The following MDH2 variants were observed in gnomAD, a reference collection of about 807,000 sequenced individuals.
MDH2 encodes the protein malate dehydrogenase 2, also known as malate dehydrogenase, mitochondrial.
Under a neutral mutation model 33.6 loss-of-function variants are expected in MDH2, and 25 were observed. The ratio of observed to expected loss-of-function variants is 0.74; its 90% CI spans 0.54 to 1.04. The LOEUF (loss-of-function observed/expected upper bound fraction) is 1.04. Ranked by LOEUF, MDH2 falls within the 50% of genes least tolerant of loss-of-function variation. The pLI is 0.00. For missense variants in MDH2, 432 were observed against 445.0 expected, an observed-to-expected ratio of 0.97 and a Z score of 0.26; for synonymous variants, 193 against 188.7, an observed-to-expected ratio of 1.02 and a Z score of -0.19.
chr7:76,057,880 T>C, intron 3 of MDH2, 89 bp from the exon 4 acceptor site: 2 of 1,288,288 alleles, frequency 1.6e-6, no homozygotes, highest in Admixed American at 3.9e-5. Flanking sequence ...AGTGGCTAAA[T>C]TTCCTGTAAC....
intron 1 of MDH2, among the ~76,000 whole-genome samples, chr7:76,050,306 A>G (rs1375959369): frequency 6.6e-6 from 1 of 152,256 alleles, no homozygotes; most frequent in African/African-American, 2.4e-5. Context: ...CTGGGATTAC[A>G]GGCGTGAGCC....
rs149443188 is a variant in MDH2, at chr7:76,064,404, C to T, written c.699C>T (p.Ala233=). ...LTALTGRIQE[A]GTEVVKAKAG... is the part of the protein sequence containing the mutation. Reference sequence around the variant, plus strand: ...CACTCACTGGGCGGATCCAGGAGGCCGGCACGGAGGTGGTCAAGGCTAAAG... The same window carrying T: ...CACTCACTGGGCGGATCCAGGAGGCTGGCACGGAGGTGGTCAAGGCTAAAG... The change falls in exon 7 of 9, where the codon GCC becomes GCT. Residue 233 remains alanine (A), a synonymous_variant. Coordinates refer to ENST00000315758, the MANE Select transcript of MDH2 (RefSeq NM_005918.4). The T allele has an allele frequency of 2.8e-4, 456 of 1,613,390 alleles. No homozygotes were observed. The highest frequency in any genetic ancestry group is 3.6e-4 in the Non-Finnish European group (421 of 1,179,902).
At position 76,056,536 on chromosome 7, in the gene MDH2, GTT is replaced by G. The variant is rs1554586304; in HGVS notation, c.236-873_236-872del. 7.2e-5 allele frequency among the ~76,000 whole-genome samples: 11 copies of G among 152,324 alleles called. No individual in the cohort carries two copies. In the East Asian group the frequency reaches 2.1e-3, roughly 29 times the overall value. The stretch of plus-strand genomic sequence containing the variant: ...ATTTTCTTTTGGGCTGTATATTCGG[GTT>G]AAGAAGGCTCCTGCATTAAGGAAAA... On this transcript the variant is annotated intron_variant, in intron 2 of 8. Coordinates refer to ENST00000315758, the MANE Select transcript of MDH2 (RefSeq NM_005918.4).
rs1360810057 is a variant in MDH2, at chr7:76,049,000, C to A, written c.66+774C>A. The A allele has an allele frequency of 3.5e-5, 24 of 681,320 alleles. No homozygotes were observed. In the African/African-American group the frequency reaches 7.8e-4, roughly 22 times the overall value. 42.2% of individuals were successfully genotyped at this position (681,320 alleles called of 1,614,324 possible). ...AGACTGCGGGGGGGGGGGGGGGGGT[C>A]CGCATTTTTACCAGGTGAATCTAAT... On this transcript the variant is annotated intron_variant, in intron 1 of 8. Transcript: ENST00000315758.
At chr7:76,048,670 G>T in intron 1 of MDH2, 1 of 1,248,416 alleles carries the variant, frequency 8.0e-7, no homozygotes, top group South Asian at 3.5e-5. Context: ...TCCATAGTAT[G>T]GACAAACCGA....
chr7:76,049,210 G>GC (rs1554584906), intron 1 of MDH2, among the ~76,000 whole-genome samples: 1 of 152,082 alleles, frequency 6.6e-6, no homozygotes, highest in Non-Finnish European at 1.5e-5. Context: ...CATACCCATC[G>GC]CAAGTTGGTA....
chr7:76,062,229 C>T lies in MDH2; in HGVS notation c.556-1286C>T, dbSNP rs147753297. ...ATTCCCTTTCAACGTGGCTCCAGGA[C>T]CTCCCAGGCCAATGCCTTGTTCCCG... On this transcript the variant is annotated intron_variant, in intron 5 of 8. Coordinates refer to ENST00000315758, the MANE Select transcript of MDH2 (RefSeq NM_005918.4). Among the ~76,000 whole-genome samples the T allele has an allele frequency of 5.8e-3, 881 of 152,336 alleles. 5 individuals are homozygous for T. Among genetic ancestry groups the T allele is most frequent in the Non-Finnish European group, 7.8e-3 (528 of 68,040 alleles).
chr7:76,060,272 T>C (rs1282085280), intron 4 of MDH2, 101 bp from the exon 5 acceptor site: 1 of 1,475,132 alleles, frequency 6.8e-7, no homozygotes, highest in African/African-American at 1.4e-5. Context: ...TTGGACTAGT[T>C]AGACCTTTGG....
At chr7:76,055,853 A>G (rs1373617570) in intron 2 of MDH2, among the ~76,000 whole-genome samples, 16 of 135,040 alleles carry the variant, frequency 1.2e-4, no homozygotes, top group African/African-American at 3.0e-4. Context: ...TTTTGAGACC[A>G]TGTCTTCCTC....
chr7:76,060,640 C>G (rs1388259877), intron 5 of MDH2, 142 bp downstream of exon 5: 2 of 1,253,496 alleles, frequency 1.6e-6, no homozygotes, highest in African/African-American at 1.5e-5. Context: ...AGCTCGCCCT[C>G]TTGATGGAAG....
At chr7:76,048,357 A>G in intron 1 of MDH2, 131 bp downstream of exon 1, 5 of 1,324,820 alleles carry the variant, frequency 3.8e-6, no homozygotes, top group Non-Finnish European at 5.0e-6. Flanking sequence ...CTGGCTGGAG[A>G]CTGTGGCGCC....
intron 1 of MDH2, among the ~76,000 whole-genome samples, chr7:76,052,116 C>T (rs1797644262): frequency 6.6e-6 from 1 of 152,146 alleles, no homozygotes; most frequent in South Asian, 2.1e-4. Context: ...CACATGGGAC[C>T]CATCCATTTA....
chr7:76,058,546 T>C (rs1462452809), intron 4 of MDH2, among the ~76,000 whole-genome samples: 1 of 152,226 alleles, frequency 6.6e-6, no homozygotes, highest in Non-Finnish European at 1.5e-5. Context: ...TTCCTAGGCA[T>C]GCACACCTGT....
At chr7:76,050,689 T>C (rs1797595427) in intron 1 of MDH2, among the ~76,000 whole-genome samples, 1 of 152,248 alleles carries the variant, frequency 6.6e-6, no homozygotes, top group South Asian at 2.1e-4. Context: ...TAGGAGTTCA[T>C]TGTGGTTATC....
rs1294865679 is a variant in MDH2, at chr7:76,067,339, A to G, written c.*929A>G. 1 of 152,218 alleles carries G rather than the reference A, an allele frequency of 6.6e-6. No homozygotes were observed. The allele number at this position is 152,218 out of a possible 1,614,324, so 9.4% of individuals were successfully genotyped here. ...AGGGAGGGCTGGAGGTGTGCCCAGT[A>G]CTTGGATGTTCATCTGTCCACAACA... On this transcript the variant is annotated 3_prime_UTR_variant, in exon 9 of 9. Transcript: ENST00000315758.
intron 2 of MDH2, among the ~76,000 whole-genome samples, chr7:76,055,830 A>ATTT (rs34519552): frequency 3.5e-5 from 5 of 141,950 alleles, no homozygotes; most frequent in East Asian, 2.0e-4. Context: ...ATGTCACCAA[A>ATTT]TTTTTTTTTT....
At chr7:76,063,766 G>A (rs782240731) in intron 6 of MDH2, among the ~76,000 whole-genome samples, 174 bp downstream of exon 6, 5 of 152,204 alleles carry the variant, frequency 3.3e-5, no homozygotes, top group African/African-American at 7.2e-5. Flanking sequence ...GTCCTGGAGC[G>A]AATGTGGGTG....
At position 76,064,953 on chromosome 7, in the gene MDH2, G is replaced by A; in HGVS notation, c.885G>A (p.Gly295=). 3 of 1,614,112 alleles carry A rather than the reference G, an allele frequency of 1.9e-6. No homozygotes were observed. Among genetic ancestry groups the A allele is most frequent in the Non-Finnish European group, 2.5e-6 (3 of 1,180,008 alleles). The change falls in exon 8 of 9, where the codon GGG becomes GGA. Residue 295 remains glycine, a splice_region_variant and synonymous_variant. Transcript: ENST00000315758. ...ACTTCTCCACACCGCTGCTGCTTGG[G>A]GTACGTATCCAGGCGTGGGTCCTTC... ...CTYFSTPLLL[G]KKGIEKNLGI...
Position 76,054,902 on chromosome 7 carries a change from A to T in MDH2, c.139A>T (p.Ser47Cys). The T allele has an allele frequency of 6.2e-7, 1 of 1,614,190 alleles. No homozygotes were observed. The highest frequency in any genetic ancestry group is 8.5e-7 in the Non-Finnish European group (1 of 1,180,036). The change falls in exon 2 of 9, where the codon AGC becomes TGC. Residue 47 changes from serine to cysteine, a missense_variant. By Grantham distance (112) the Ser-to-Cys change is moderately radical (BLOSUM62 -1). Transcript: ENST00000315758. ...GQPLSLLLKN[S>C]PLVSRLTLYD... The stretch of plus-strand genomic sequence containing the variant: ...GCCACTTTCACTTCTCCTGAAGAAC[A>T]GCCCCTTGGTGAGCCGCCTGACCCT...
Sources: allele counts gnomAD v4.1 joint callset (sites outside exome capture counted in the v4.1 genomes callset), GRCh38; gene constraint gnomAD v4.1.1; transcripts MANE v1.5; gene names NCBI Gene and HGNC (gene_info 2026-07-23, HGNC 2026-07-21).